The following NRIP1 variants were observed in gnomAD, a reference collection of about 807,000 sequenced individuals.
NRIP1 encodes the protein nuclear receptor interacting protein 1, also known as nuclear receptor-interacting protein 1.
In NRIP1, 28 loss-of-function variants were observed where a neutral mutation model predicts 75.0. The observed-to-expected ratio is 0.37, with a 90% CI of 0.28 to 0.51. The LOEUF (loss-of-function observed/expected upper bound fraction) is 0.51, where lower values mean the gene tolerates loss of function less well. Ranked by LOEUF, NRIP1 falls within the 20% of genes least tolerant of loss-of-function variation. The pLI is 0.92. For synonymous variants in NRIP1, 526 were observed against 487.6 expected, an observed-to-expected ratio of 1.08 and a Z score of -1.04; for missense variants, 1,435 against 1,343.7, an observed-to-expected ratio of 1.07 and a Z score of -1.06.
intron 1 of NRIP1, among the ~76,000 whole-genome samples, chr21:15,058,252 C>A (rs1600941683): frequency 6.6e-6 from 1 of 152,084 alleles, no homozygotes; most frequent in African/African-American, 2.4e-5. Flanking sequence ...TTTCAAAAAT[C>A]AAACCTGAGC....
At chr21:15,043,985 G>T (rs1394713971) in intron 1 of NRIP1, among the ~76,000 whole-genome samples, 1 of 151,958 alleles carries the variant, frequency 6.6e-6, no homozygotes, top group Non-Finnish European at 1.5e-5. Flanking sequence ...CGCCCGGCTA[G>T]TTTTTGTATT....
intron 3 of NRIP1, among the ~76,000 whole-genome samples, chr21:15,007,399 G>A (rs1252085877): frequency 1.3e-5 from 2 of 152,138 alleles, no homozygotes; most frequent in African/African-American, 4.8e-5. Flanking sequence ...ATAAGATAGG[G>A]TGTTATTTCA....
chr21:15,042,580 C>A (rs1192804302), intron 2 of NRIP1, among the ~76,000 whole-genome samples: 1 of 152,118 alleles, frequency 6.6e-6, no homozygotes, highest in Non-Finnish European at 1.5e-5. Flanking sequence ...GAGGGCAATG[C>A]CCTCATGAAC....
At chr21:14,995,626 AAG>A (rs1364731665) in intron 3 of NRIP1, among the ~76,000 whole-genome samples, 1 of 152,228 alleles carries the variant, frequency 6.6e-6, no homozygotes, top group Non-Finnish European at 1.5e-5. Context: ...ATATGAAAGA[AAG>A]AGAATTCTTA....
At position 14,997,507 on chromosome 21, in the gene NRIP1, A is replaced by G. The variant is rs141503160; in HGVS notation, c.-335+16837T>C. Among the ~76,000 whole-genome samples the G allele has an allele frequency of 1.9e-3, 282 of 152,088 alleles. 3 individuals carry two copies. The highest frequency in any genetic ancestry group is 6.4e-3 in the African/African-American group (268 of 41,562). On this transcript the variant is annotated intron_variant, in intron 3 of 3. Coordinates refer to ENST00000318948, the MANE Select transcript of NRIP1 (RefSeq NM_003489.4). ...TAGGTTAAAAACTGAGAATAAATTA[A>G]TAGGTAAAAAATAGACATAAATGGT...
intron 3 of NRIP1, among the ~76,000 whole-genome samples, chr21:14,972,538 T>C (rs2086930967): frequency 1.3e-5 from 2 of 152,354 alleles, no homozygotes; most frequent in South Asian, 2.1e-4. Context: ...TTCCAACATA[T>C]AGTTCTCTTG....
chr21:14,991,024 C>G (rs1030950073), intron 3 of NRIP1, among the ~76,000 whole-genome samples: 2 of 151,996 alleles, frequency 1.3e-5, no homozygotes, highest in Non-Finnish European at 2.9e-5. Context: ...CATGTCTCTA[C>G]TTCTTCTTAA....
chr21:14,998,599 T>C (rs144013554), intron 3 of NRIP1, among the ~76,000 whole-genome samples: 81 of 152,338 alleles, frequency 5.3e-4, no homozygotes, highest in South Asian at 2.5e-3. Flanking sequence ...GGTCCACTTA[T>C]AAGCAAATTT....
intron 2 of NRIP1, among the ~76,000 whole-genome samples, chr21:15,031,580 C>CT (rs1230005942): frequency 4.2e-5 from 6 of 142,298 alleles, no homozygotes; most frequent in East Asian, 2.1e-4. Context: ...TGTATACACT[C>CT]TGGAAGGCGC....
chr21:14,967,785 CAA>C lies in NRIP1; in HGVS notation c.406_407del (p.Leu136AlafsTer7), dbSNP rs1348583653. 1 of 1,613,904 alleles carries C rather than the reference CAA, an allele frequency of 6.2e-7. No individual in the cohort carries two copies. Among genetic ancestry groups the C allele is most frequent in the Non-Finnish European group, 8.5e-7 (1 of 1,179,976 alleles). ...GCAGCCTAGAGCTGAATGACTGAAG[CAA>C]AGAGGCCAGTAATGTGCTATCCTGT... is the stretch of plus-strand genomic sequence containing the variant. The part of the protein sequence containing the change: ...GKQDSTLLAS[L>X]LQSFSSRLQT... On this transcript the variant is annotated frameshift_variant, in exon 4 of 4. Transcript: ENST00000318948. LOFTEE classifies it high-confidence loss of function.
At chr21:14,987,726 T>C (rs1234261063) in intron 3 of NRIP1, among the ~76,000 whole-genome samples, 1 of 152,204 alleles carries the variant, frequency 6.6e-6, no homozygotes, top group Non-Finnish European at 1.5e-5. Context: ...TCACAGGTGC[T>C]TTAAGCCATA....
chr21:15,033,283 C>T (rs1340148010), intron 2 of NRIP1, among the ~76,000 whole-genome samples: 2 of 150,906 alleles, frequency 1.3e-5, no homozygotes, highest in East Asian at 1.9e-4. Context: ...AAATGCTTAA[C>T]GTAGGCTTAA....
Position 14,967,529 on chromosome 21 carries a change from CATG to C in NRIP1, c.661_663del (p.His221del). On this transcript the variant is annotated inframe_deletion, in exon 4 of 4. Transcript: ENST00000318948. ...ATGACCTTTGTTCCACTTTGTCCAA[CATG>C]ATGAGGAGACTCTGCAAACCTATCT... 6.2e-7 allele frequency: 1 copy of C among 1,614,174 alleles called. No homozygotes were observed. The highest frequency in any genetic ancestry group is 8.5e-7 in the Non-Finnish European group (1 of 1,180,030).
chr21:15,046,764 G>A (rs772908296), intron 1 of NRIP1, among the ~76,000 whole-genome samples: 1 of 152,162 alleles, frequency 6.6e-6, no homozygotes, highest in Non-Finnish European at 1.5e-5. Flanking sequence ...ATCTTACCTA[G>A]ATCTTCTGGA....
chr21:15,019,928 C>G (rs2088331590), intron 2 of NRIP1, among the ~76,000 whole-genome samples: 1 of 152,132 alleles, frequency 6.6e-6, no homozygotes, highest in East Asian at 1.9e-4. Context: ...CTTTGGGAAG[C>G]AGAGGCAGGA....
rs191238880 is a variant in NRIP1, at chr21:15,048,714, T to A, written c.-537-5140A>T. ...AACCTCTCTATCCAATAAGGTTCCA[T>A]CTGAACTATGTAAGATGATAGGCAA... On this transcript the variant is annotated intron_variant, in intron 1 of 3. Coordinates refer to ENST00000318948, the MANE Select transcript of NRIP1 (RefSeq NM_003489.4). Among the ~76,000 whole-genome samples, 29 of 152,370 alleles carry A rather than the reference T, an allele frequency of 1.9e-4. 1 individual carries two copies. The East Asian group carries it at 5.4e-3, about 28-fold the overall frequency.
intron 1 of NRIP1, among the ~76,000 whole-genome samples, chr21:15,055,665 C>A (rs941086187): frequency 3.3e-5 from 5 of 152,118 alleles, no homozygotes; most frequent in African/African-American, 2.4e-5. Flanking sequence ...TTCCTTAACA[C>A]CTGGTACACA....
At chr21:15,016,931 A>G (rs563491078) in intron 2 of NRIP1, among the ~76,000 whole-genome samples, 4 of 151,862 alleles carry the variant, frequency 2.6e-5, no homozygotes, top group African/African-American at 9.7e-5. Context: ...AGAGAGAGAG[A>G]AAGAAAGAAA....
At chr21:15,047,764 T>C (rs1278303791) in intron 1 of NRIP1, among the ~76,000 whole-genome samples, 1 of 152,174 alleles carries the variant, frequency 6.6e-6, no homozygotes, top group Non-Finnish European at 1.5e-5. Context: ...CATTCATGTG[T>C]TCACTGGAGT....
Sources: gnomAD v4.1 joint callset for allele counts (sites outside exome capture counted in the v4.1 genomes callset) on GRCh38, gnomAD v4.1.1 for gene constraint, MANE v1.5 for transcripts, NCBI Gene and HGNC (gene_info 2026-07-23, HGNC 2026-07-21) for gene names.